The following TMEM150B variants were observed in gnomAD, a reference collection of about 807,000 sequenced individuals.
TMEM150B encodes the protein modulator of macroautophagy TMEM150B.
In TMEM150B, 33 loss-of-function variants were observed where a neutral mutation model predicts 25.2. That is an observed-to-expected ratio of 1.31 (90% CI 0.99 to 1.75). The LOEUF is 1.75. Ranked by LOEUF, TMEM150B falls within the 40% of genes most tolerant of loss-of-function variation. The pLI, the probability that TMEM150B is intolerant of heterozygous loss-of-function variation, is 0.00. For missense variants in TMEM150B, 322 were observed against 306.1 expected, an observed-to-expected ratio of 1.05 and a Z score of -0.39; for synonymous variants, 133 against 134.8, an observed-to-expected ratio of 0.99 and a Z score of 0.09.
chr19:55,312,967 G>C lies in TMEM150B; in HGVS notation c.594C>G (p.Leu198=). 6.2e-7 allele frequency: 1 copy of C among 1,613,628 alleles called. No homozygotes were observed. ...VAMLLFALFG[L]LAVDFSALES... ...CCAGGGCGGAGAAGTCAACGGCTAA[G>C]AGACCGAAGAGCGCGAACAGCAGCA... Residue 198 remains leucine (L), a synonymous_variant, in exon 8 of 8, where the codon CTC becomes CTG. Transcript: ENST00000326652.
intron 1 of TMEM150B, 45 bp from the exon 2 acceptor site, chr19:55,322,788 G>A (rs1600234159): frequency 2.1e-6 from 2 of 939,518 alleles, no homozygotes; most frequent in African/African-American, 1.8e-5. Context: ...GGGTCCTTTG[G>A]TCTGACTGCC....
rs201935337 is a variant in TMEM150B at position 55,320,451 on chromosome 19, C to T, written c.136G>A (p.Gly46Arg). 806 of 1,592,240 alleles carry T rather than the reference C, an allele frequency of 5.1e-4. No homozygotes were observed. The highest frequency in any genetic ancestry group is 6.5e-4 in the Non-Finnish European group (765 of 1,168,070). ...ATGCAGCTCTGAGGGGGGAAGGATC[C>T]GCAGATGCTGGGGAAGACAAAGGGG... is the stretch of plus-strand genomic sequence containing the variant. ...SKGFPYISIC[G>R]SFPPQSCIFS... Residue 46 changes from glycine (G) to arginine (R), a missense_variant, in exon 5 of 8, where the codon GGA becomes AGA. Transcript: ENST00000326652.
chr19:55,318,048 T>C (rs2089065217), intron 6 of TMEM150B, among the ~76,000 whole-genome samples: 1 of 151,912 alleles, frequency 6.6e-6, no homozygotes, highest in Admixed American at 6.6e-5. Context: ...AAATACTCCT[T>C]AGAGGAGCAA....
chr19:55,320,249 G>T, intron 5 of TMEM150B, 83 bp from the exon 6 acceptor site: 4 of 1,545,194 alleles, frequency 2.6e-6, no homozygotes, highest in Non-Finnish European at 3.5e-6. Context: ...GGGGAGCAAG[G>T]TGAGGGAGAA....
Position 55,322,403 on chromosome 19 carries a change from C to A in TMEM150B, c.-58+245G>T, listed in dbSNP as rs1163749747. On this transcript the variant is annotated intron_variant, in intron 2 of 7. Transcript: ENST00000326652. Reference sequence around the variant, plus strand: ...TCCCCTTCACACCTGAAGAACCAGCCCCTTGGGGAGGGCCCAGGTGCATGA... The same window carrying A: ...TCCCCTTCACACCTGAAGAACCAGCACCTTGGGGAGGGCCCAGGTGCATGA... Among the ~76,000 whole-genome samples the A allele has an allele frequency of 2.0e-5, 3 of 152,244 alleles. No homozygotes were observed. In the East Asian group the frequency reaches 5.8e-4, roughly 30 times the overall value.
At chr19:55,323,092 G>A (rs776934277) in intron 1 of TMEM150B, among the ~76,000 whole-genome samples, 17 of 152,078 alleles carry the variant, frequency 1.1e-4, no homozygotes, top group Non-Finnish European at 2.4e-4. Flanking sequence ...ATGCCACCTC[G>A]TGTCTTTTAA....
At chr19:55,309,665 C>A (rs575866222), downstream of TMEM150B, among the ~76,000 whole-genome samples, 8 of 152,328 alleles carry the variant, frequency 5.3e-5, no homozygotes, top group East Asian at 1.5e-3. Flanking sequence ...GACCTCATCA[C>A]CTCCTAACAT....
chr19:55,313,810 G>GGCTCCA (rs112858901), intron 7 of TMEM150B, among the ~76,000 whole-genome samples: 75,950 of 151,520 alleles, frequency 0.5, 19,790 homozygotes, highest in African/African-American at 0.59. Flanking sequence ...GCAGACTCCA[G>GGCTCCA]GCCTAGTAGA....
chr19:55,321,232 C>G, intron 2 of TMEM150B, 139 bp from the exon 3 acceptor site: 1 of 1,239,310 alleles, frequency 8.1e-7, no homozygotes. Flanking sequence ...GGCAATTTCC[C>G]CACCTATCCC....
intron 1 of TMEM150B, among the ~76,000 whole-genome samples, chr19:55,324,116 G>A (rs546413621): frequency 1.3e-5 from 2 of 152,140 alleles, no homozygotes; most frequent in South Asian, 4.1e-4. Context: ...CCCGTCTGGT[G>A]TATTTTATGC....
chr19:55,319,948 C>T (rs561753947), intron 6 of TMEM150B, 91 bp downstream of exon 6: 2 of 1,570,042 alleles, frequency 1.3e-6, no homozygotes, highest in Middle Eastern at 1.8e-4. Flanking sequence ...AACCAGCCCC[C>T]GAGACAATAA....
chr19:55,310,428 C>T (rs1016748820), downstream of TMEM150B, among the ~76,000 whole-genome samples: 3 of 152,186 alleles, frequency 2.0e-5, no homozygotes, highest in Non-Finnish European at 4.4e-5. This position sits in a 1 kb window ranked among gnomAD's most constrained non-coding sequence, Gnocchi z 5.0. Context: ...TCCCCCAACT[C>T]GTGGTCCCTC....
chr19:55,324,099 C>T (rs527859987), intron 1 of TMEM150B, among the ~76,000 whole-genome samples: 3 of 152,220 alleles, frequency 2.0e-5, no homozygotes, highest in East Asian at 1.9e-4. Context: ...GAAGCCATCG[C>T]GCCCAACCCG....
rs1376049857 is a variant in TMEM150B at position 55,324,023 on chromosome 19, G to T, written c.-154+1249C>A. ...GAGTTTCACCATGTTGGCCAGGCTG[G>T]CCTCAAAATGCTGACCTCAAGTGAT... On this transcript the variant is annotated intron_variant, in intron 1 of 7. Coordinates refer to ENST00000326652, the MANE Select transcript of TMEM150B (RefSeq NM_001282011.2). Among the ~76,000 whole-genome samples, 3 of 149,934 alleles carry T rather than the reference G, an allele frequency of 2.0e-5. No homozygotes were observed. In the East Asian group the frequency reaches 6.0e-4, roughly 30 times the overall value.
At chr19:55,324,860 C>T in intron 1 of TMEM150B, 2 of 985,280 alleles carry the variant, frequency 2.0e-6, no homozygotes, top group South Asian at 4.7e-5. Flanking sequence ...TCAGGGGAAT[C>T]CCTGTCTGTG....
chr19:55,322,754 A>T lies in TMEM150B; in HGVS notation c.-153-11T>A. On this transcript the variant is annotated splice_polypyrimidine_tract_variant and intron_variant, in intron 1 of 7. Transcript: ENST00000326652. ...GCTCAGGCAGACATCCTGCAGAGGC[A>T]AAGTCCAGGCTGCAGGACTGCCTGG... 1 of 984,958 alleles carries T rather than the reference A, an allele frequency of 1.0e-6. No homozygotes were observed. Among genetic ancestry groups the T allele is most frequent in the Non-Finnish European group, 1.2e-6 (1 of 829,596 alleles). 61.0% of individuals were successfully genotyped at this position (984,958 alleles called of 1,614,324 possible).
At chr19:55,321,386 G>T (rs1287246184) in intron 2 of TMEM150B, among the ~76,000 whole-genome samples, 1 of 151,906 alleles carries the variant, frequency 6.6e-6, no homozygotes, top group Non-Finnish European at 1.5e-5. Context: ...CAAGATCCCT[G>T]GGGCTCTCAG....
chr19:55,320,496 C>T, intron 4 of TMEM150B, 38 bp from the exon 5 acceptor site: 1 of 1,610,054 alleles, frequency 6.2e-7, no homozygotes. Flanking sequence ...GCAATCCAAG[C>T]TAGGGCCTCC....
chr19:55,319,845 C>G, intron 6 of TMEM150B, 194 bp downstream of exon 6: 1 of 1,419,534 alleles, frequency 7.0e-7, no homozygotes, highest in South Asian at 1.5e-5. Context: ...CAAACAGCCT[C>G]GCTCGTAGTG....
Sources: gnomAD v4.1 joint callset for allele counts (sites outside exome capture counted in the v4.1 genomes callset) on GRCh38, gnomAD v4.1.1 for gene constraint, Gnocchi (gnomAD v3.1) non-coding constraint, MANE v1.5 for transcripts, NCBI Gene and HGNC (gene_info 2026-07-23, HGNC 2026-07-21) for gene names.